Variants in IDE observed in about 807,000 individuals in gnomAD.
IDE encodes the protein insulin-degrading enzyme.
Under a neutral mutation model 133.2 loss-of-function variants are expected in IDE, and 58 were observed. That is an observed-to-expected ratio of 0.44 (90% CI 0.35 to 0.54). The LOEUF is 0.54. Among genes scored for constraint, IDE ranks in the 20% least tolerant of loss-of-function variants. The pLI, the probability that IDE is intolerant of heterozygous loss-of-function variation, is 0.00. For synonymous variants in IDE, 396 were observed against 421.3 expected (o/e 0.94, Z 0.73); for missense variants, 981 against 1,234.0 (o/e 0.79, Z 3.07).
At chr10:92,498,577 A>G (rs530645880) in intron 11 of IDE, among the ~76,000 whole-genome samples, 3 of 147,660 alleles carry the variant, frequency 2.0e-5, no homozygotes, top group African/African-American at 7.5e-5. Flanking sequence ...CCAACATAGC[A>G]AAACCCCATC....
chr10:92,479,600 A>AGT (rs1049603497), intron 14 of IDE, 179 bp from the exon 15 acceptor site: 13 of 536,180 alleles, frequency 2.4e-5, no homozygotes, highest in African/African-American at 2.3e-4. Flanking sequence ...AGAAGCCTGA[A>AGT]GTGTGTGTGA....
chr10:92,543,422 A>T (rs1842398999), intron 1 of IDE, among the ~76,000 whole-genome samples: 1 of 152,190 alleles, frequency 6.6e-6, no homozygotes. Flanking sequence ...AAATAACAAC[A>T]TGTCTTAGGG....
chr10:92,527,360 A>G (rs1023386561), intron 4 of IDE, among the ~76,000 whole-genome samples: 11 of 152,160 alleles, frequency 7.2e-5, no homozygotes, highest in African/African-American at 2.7e-4. Context: ...GAACTTTATA[A>G]TAAGTCTTGG....
chr10:92,494,571 GTC>G (rs1383191377), intron 11 of IDE, among the ~76,000 whole-genome samples: 1 of 151,996 alleles, frequency 6.6e-6, no homozygotes, highest in Non-Finnish European at 1.5e-5. Context: ...GTGAGATCCT[GTC>G]TCTATTTAAA....
chr10:92,549,614 G>T (rs1842689422), intron 1 of IDE, among the ~76,000 whole-genome samples: 1 of 152,088 alleles, frequency 6.6e-6, no homozygotes, highest in Non-Finnish European at 1.5e-5. Flanking sequence ...GTTAAGCTTA[G>T]AAAGAAGCAA....
intron 4 of IDE, among the ~76,000 whole-genome samples, chr10:92,530,875 T>C (rs560292010): frequency 1.3e-5 from 2 of 152,324 alleles, no homozygotes; most frequent in East Asian, 3.9e-4. Context: ...TAAAGAAAGT[T>C]GTCTTTATGG....
At chr10:92,559,102 A>G (rs1184654901) in intron 1 of IDE, 1 of 152,180 alleles carries the variant, frequency 6.6e-6, no homozygotes, top group Non-Finnish European at 1.5e-5. Context: ...GATGGCTTAT[A>G]ACAAAAGTAC....
intron 9 of IDE, among the ~76,000 whole-genome samples, chr10:92,507,288 C>G (rs895498522): frequency 6.6e-6 from 1 of 152,142 alleles, no homozygotes; most frequent in Admixed American, 6.6e-5. Context: ...TATTCCAGCT[C>G]AAGAAACTGC....
chr10:92,474,381 AAGT>A (rs1807468394), intron 17 of IDE: 1 of 152,452 alleles, frequency 6.6e-6, no homozygotes, highest in African/African-American at 2.4e-5. Flanking sequence ...AGAAATCTAA[AAGT>A]AGTAATAATT....
At chr10:92,483,562 T>A (rs1014480601) in intron 13 of IDE, among the ~76,000 whole-genome samples, 6 of 152,154 alleles carry the variant, frequency 3.9e-5, no homozygotes, top group African/African-American at 1.4e-4. Flanking sequence ...CTATTTCCCC[T>A]GTATTAGGGA....
At chr10:92,464,298 T>A (rs1286746648) in intron 20 of IDE, among the ~76,000 whole-genome samples, 2 of 152,188 alleles carry the variant, frequency 1.3e-5, no homozygotes, top group African/African-American at 4.8e-5. Flanking sequence ...TTAATCCTCT[T>A]CAATCTATGC....
At position 92,534,727 on chromosome 10, in the gene IDE, A is replaced by C; in HGVS notation, c.342T>G (p.Leu114=). The C allele has an allele frequency of 6.2e-7, 1 of 1,613,978 alleles. No homozygotes were observed. The highest frequency in any genetic ancestry group is 1.7e-5 in the Admixed American group (1 of 60,026). The change falls in exon 3 of 25, where the codon CTT becomes CTG. Residue 114 remains leucine (L), a synonymous_variant. Transcript: ENST00000265986. The part of the protein sequence containing the change: ...AGLSHFCEHM[L]FLGTKKYPKE... ...TAGGGTATTTCTTTGTTCCCAAAAA[A>C]AGCATATGTTCACAAAAATGACTTA...
chr10:92,474,806 GAAGA>G (rs757643660), intron 17 of IDE, 31 bp downstream of exon 17: 12 of 1,575,998 alleles, frequency 7.6e-6, no homozygotes, highest in Non-Finnish European at 1.0e-5. Flanking sequence ...GGAAAAAAAT[GAAGA>G]AAGCATTAAG....
chr10:92,552,902 A>G (rs925392047), intron 1 of IDE, among the ~76,000 whole-genome samples: 4 of 145,074 alleles, frequency 2.8e-5, no homozygotes, highest in African/African-American at 1.0e-4. Flanking sequence ...AAAGGAACTA[A>G]GTGATTGATT....
intron 1 of IDE, chr10:92,554,811 T>TCTTGC (rs1564675887): frequency 5.3e-5 from 8 of 151,936 alleles, no homozygotes; most frequent in East Asian, 3.9e-4. Context: ...CTCACCACTG[T>TCTTGC]ACTCTTGCAC....
chr10:92,506,427 TAAC>T lies in IDE; in HGVS notation c.1326+12_1326+14del, dbSNP rs1335694738. 2.2e-6 allele frequency: 3 copies of T among 1,378,008 alleles called. No homozygotes were observed. The highest frequency in any genetic ancestry group is 3.1e-6 in the Non-Finnish European group (3 of 972,020). The allele number at this position is 1,378,008 out of a possible 1,614,324, so 85.4% of individuals were successfully genotyped here. A position where few individuals can be genotyped will look rare whatever the true frequency, so the allele number is the denominator to read the frequency against. ...CCACACAGCAATGTATACAGTAAAA[TAAC>T]AACAAACTTACATGCAATATTCCTG... On this transcript the variant is annotated intron_variant, in intron 10 of 24. Transcript: ENST00000265986.
intron 21 of IDE, among the ~76,000 whole-genome samples, chr10:92,462,046 T>G (rs569745101): frequency 6.6e-6 from 1 of 152,124 alleles, no homozygotes; most frequent in Non-Finnish European, 1.5e-5. Context: ...CTGGGCACAG[T>G]GGCTCATGCC....
intron 2 of IDE, among the ~76,000 whole-genome samples, chr10:92,535,160 G>A (rs1384577133): frequency 6.6e-6 from 1 of 152,140 alleles, no homozygotes; most frequent in African/African-American, 2.4e-5. Context: ...CTGGAGTGCA[G>A]TGGCGAGATC....
rs1248841394 is a variant in IDE, at chr10:92,515,013, T to A, written c.691A>T (p.Asn231Tyr). The A allele has an allele frequency of 3.7e-6, 6 of 1,611,760 alleles. No individual in the cohort carries two copies. Among genetic ancestry groups the A allele is most frequent in the Non-Finnish European group, 4.2e-6 (5 of 1,178,314 alleles). The change falls in exon 5 of 25, where the codon AAC (asparagine) becomes TAC (tyrosine). Residue 231 changes from asparagine (N) to tyrosine (Y), a missense_variant. By Grantham distance (143) the Asn-to-Tyr change is moderately radical. Coordinates refer to ENST00000265986, the MANE Select transcript of IDE (RefSeq NM_004969.4). ...GNKYTLETRP[N>Y]QEGIDVRQEL... The stretch of plus-strand genomic sequence containing the variant: ...TGTCTTACATCAATGCCTTCTTGGT[T>A]TGGTCTAGTCTCCAGAGTATATTTG...
Sources: gnomAD v4.1 joint callset for allele counts (sites outside exome capture counted in the v4.1 genomes callset) on GRCh38, gnomAD v4.1.1 for gene constraint, MANE v1.5 for transcripts, NCBI Gene and HGNC (gene_info 2026-07-23, HGNC 2026-07-21) for gene names.